The following MIB2 variants were observed in gnomAD, a reference collection of about 807,000 sequenced individuals.
The protein encoded by MIB2 is MIB E3 ubiquitin protein ligase 2.
In MIB2, 78 loss-of-function variants were observed where a neutral mutation model predicts 96.6. The ratio of observed to expected loss-of-function variants is 0.81; its 90% CI spans 0.67 to 0.97. MIB2 has a LOEUF of 0.97. Ranked by LOEUF, MIB2 falls within the 50% of genes least tolerant of loss-of-function variation. The pLI, the probability that MIB2 is intolerant of heterozygous loss-of-function variation, is 0.00. For synonymous variants in MIB2, 820 were observed against 629.5 expected, an observed-to-expected ratio of 1.30 and a Z score of -4.53; for missense variants, 1,543 against 1,424.0, an observed-to-expected ratio of 1.08 and a Z score of -1.35.
rs1644933424 is a variant in MIB2 at position 1,627,657 on chromosome 1, C to T, written c.1524-16C>T. On this transcript the variant is annotated splice_polypyrimidine_tract_variant and intron_variant, in intron 12 of 19. Transcript: ENST00000355826. ...CGGGCCCGGCGCCCTCCCTCTCCCA[C>T]TTCCTCTCCTGTCAGGAACCAGCCC... is the stretch of plus-strand genomic sequence containing the variant. 2 of 1,588,510 alleles carry T rather than the reference C, an allele frequency of 1.3e-6. No homozygotes were observed. Among genetic ancestry groups the T allele is most frequent in the Non-Finnish European group, 1.7e-6 (2 of 1,175,624 alleles).
Position 1,628,681 on chromosome 1 carries a change from G to C in MIB2, c.2161G>C (p.Gly721Arg). The change falls in exon 16 of 20, where the codon GGG becomes CGG. Residue 721 changes from glycine (G) to arginine (R), a missense_variant. Coordinates refer to ENST00000355826, the MANE Select transcript of MIB2 (RefSeq NM_001170687.4). ...TCAGCTGCTGCCCCTGGTGGCTGAT[G>C]GGGCCGGGGGGGACCCAGGGCCCTT... ...RHQLLPLVAD[G>R]AGGDPGPLQL... 6.4e-7 allele frequency: 1 copy of C among 1,572,542 alleles called. No homozygotes were observed. The highest frequency in any genetic ancestry group is 1.8e-5 in the Admixed American group (1 of 54,930).
Position 1,625,381 on chromosome 1 carries a change from C to CG in MIB2, c.820dup (p.Glu274GlyfsTer68). 1 of 1,588,344 alleles carries CG rather than the reference C, an allele frequency of 6.3e-7. No homozygotes were observed. The highest frequency in any genetic ancestry group is 8.6e-7 in the Non-Finnish European group (1 of 1,168,102). ...GTGTCTGCTGGACACTGATGTCCTG[C>CG]GGGAGATGCAGGAAGGCCACGGCGG... On this transcript the variant is annotated frameshift_variant, in exon 7 of 20. Coordinates refer to ENST00000355826, the MANE Select transcript of MIB2 (RefSeq NM_001170687.4). LOFTEE classifies it high-confidence loss of function. This position sits in a 1 kb window ranked among gnomAD's most constrained non-coding sequence, Gnocchi z 5.0.
chr1:1,628,542 C>T lies in MIB2; in HGVS notation c.2022C>T (p.Leu674=), dbSNP rs760462386. ...GGAAGCTGCAGTCCCCGCTGCATCT[C>T]GCCGTGCAACAGGCCCACGTGGGGC... The part of the protein sequence containing the change: ...RNRKLQSPLH[L]AVQQAHVGLV... Residue 674 remains leucine, a synonymous_variant, in exon 16 of 20, where the codon CTC becomes CTT. Coordinates refer to ENST00000355826, the MANE Select transcript of MIB2 (RefSeq NM_001170687.4). The T allele has an allele frequency of 6.2e-6, 10 of 1,601,384 alleles. No individual in the cohort carries two copies. Among genetic ancestry groups the T allele is most frequent in the South Asian group, 2.2e-5 (2 of 90,680 alleles).
intron 2 of MIB2, chr1:1,616,967 G>T (rs1643785354): frequency 7.9e-6 from 2 of 253,848 alleles, no homozygotes; most frequent in Non-Finnish European, 7.7e-6. Flanking sequence ...GCCGAGGGCA[G>T]CCCTGGGCGG....
Position 1,628,056 on chromosome 1 carries a change from C to T in MIB2, c.1718C>T (p.Ser573Leu), listed in dbSNP as rs371323653. Reference protein sequence around the residue: ...HSDTPLHSAISAGTGASGIVE... With the variant: ...HSDTPLHSAILAGTGASGIVE... ...GACACGCCCCTGCACTCCGCCATCTCGGCGGGCACTGGAGCCAGCGGCATT... is the reference window on the plus strand; with the variant it reads ...GACACGCCCCTGCACTCCGCCATCTTGGCGGGCACTGGAGCCAGCGGCATT... Residue 573 changes from serine to leucine, a missense_variant, in exon 14 of 20, where the codon TCG becomes TTG. Physicochemically the swap from Ser to Leu is moderately radical, Grantham distance 145 (BLOSUM62 -2). Transcript: ENST00000355826. 2.5e-5 allele frequency: 41 copies of T among 1,613,174 alleles called. No individual in the cohort carries two copies. The highest frequency in any genetic ancestry group is 8.9e-5 in the East Asian group (4 of 44,878).
chr1:1,619,513 G>A (rs1221896584), intron 2 of MIB2, among the ~76,000 whole-genome samples: 2 of 152,236 alleles, frequency 1.3e-5, no homozygotes, highest in African/African-American at 2.4e-5. Flanking sequence ...TGGAGACCCC[G>A]CTCAGATGAG....
intron 16 of MIB2, 174 bp from the exon 17 acceptor site, chr1:1,628,959 A>G: frequency 4.0e-6 from 3 of 744,910 alleles, no homozygotes; most frequent in Non-Finnish European, 2.1e-6. Context: ...AGGGTCTCAG[A>G]GCTCACCTAG....
In MIB2 at chr1:1,625,723, TGGG is replaced by T; in HGVS notation, c.972+74_972+76del. The T allele has an allele frequency of 2.3e-6, 3 of 1,322,556 alleles. No individual in the cohort carries two copies. Among genetic ancestry groups the T allele is most frequent in the South Asian group, 1.3e-5 (1 of 77,794 alleles). 81.9% of individuals were successfully genotyped at this position (1,322,556 alleles called of 1,614,324 possible). A position where few individuals can be genotyped will look rare whatever the true frequency, so the allele number is the denominator to read the frequency against. ...CCCCTTCCACGTACCCCCTTGGCCT[TGGG>T]GGGTCAGGCAGGACTAGGGTGCCAG... On this transcript the variant is annotated intron_variant, in intron 8 of 19. Coordinates refer to ENST00000355826, the MANE Select transcript of MIB2 (RefSeq NM_001170687.4). The surrounding 1 kb of genome is among the most constrained non-coding windows in gnomAD (Gnocchi z 5.0).
In MIB2 at chr1:1,623,533, C is replaced by T. The variant is rs753515862; in HGVS notation, c.81C>T (p.Asp27=). The T allele has an allele frequency of 4.0e-5, 61 of 1,544,052 alleles. No homozygotes were observed. Among genetic ancestry groups the T allele is most frequent in the Middle Eastern group, 1.8e-4 (1 of 5,494 alleles). The change falls in exon 3 of 20, where the codon GAC becomes GAT. Residue 27 remains aspartate (D), a synonymous_variant. Coordinates refer to ENST00000355826, the MANE Select transcript of MIB2 (RefSeq NM_001170687.4). ...RGVDWKWGQQ[D]GGEGGVGTVV... ...TGGACTGGAAGTGGGGCCAGCAGGA[C>T]GGCGGCGAGGGCGGCGTGGGCACGG...
rs557101987 is a variant in MIB2 at position 1,627,688 on chromosome 1, C to T, written c.1539C>T (p.Ala513=). The T allele has an allele frequency of 6.3e-7, 1 of 1,594,490 alleles. No homozygotes were observed. Among genetic ancestry groups the T allele is most frequent in the East Asian group, 2.2e-5 (1 of 44,710 alleles). Residue 513 remains alanine (A), a synonymous_variant, in exon 13 of 20, where the codon GCC becomes GCT. Transcript: ENST00000355826. Reference sequence around the variant, plus strand: ...CTCCTGTCAGGAACCAGCCCGAGGCCACCAGGGTGCTCCTGAGTGCTGGGT... The same window carrying T: ...CTCCTGTCAGGAACCAGCCCGAGGCTACCAGGGTGCTCCTGAGTGCTGGGT... ...HYAALGNQPE[A]TRVLLSAGCR... is the part of the protein sequence containing the mutation.
rs552687224 is a variant in MIB2, at chr1:1,625,079, T to G, written c.615T>G (p.Asp205Glu). ...GTGTGGCCAGCGTGACGTGGGCTGA[T>G]GGTACCACCAATGTGTACCGTGTGG... ...GRSVASVTWA[D>E]GTTNVYRVGH... The change falls in exon 6 of 20, where the codon GAT becomes GAG. Residue 205 changes from aspartate (D) to glutamate (E), a missense_variant. Transcript: ENST00000355826. This position sits in a 1 kb window ranked among gnomAD's most constrained non-coding sequence, Gnocchi z 5.0. 1 of 1,613,350 alleles carries G rather than the reference T, an allele frequency of 6.2e-7. No homozygotes were observed. Among genetic ancestry groups the G allele is most frequent in the Admixed American group, 1.7e-5 (1 of 60,024 alleles).
intron 1 of MIB2, 30 bp downstream of exon 1, chr1:1,615,663 G>A (rs1048225457): frequency 2.6e-6 from 4 of 1,557,440 alleles, no homozygotes; most frequent in Non-Finnish European, 3.5e-6. Flanking sequence ...TCCTCCCCTG[G>A]TCCTCCGCAC....
rs111594888 is a variant in MIB2, at chr1:1,625,961, A to G, written c.972+308A>G. On this transcript the variant is annotated intron_variant, in intron 8 of 19. Coordinates refer to ENST00000355826, the MANE Select transcript of MIB2 (RefSeq NM_001170687.4). The surrounding 1 kb of genome is among the most constrained non-coding windows in gnomAD (Gnocchi z 5.0). ...GGGCGGGAGGGAGGCGGCTGGGCTA[A>G]GATGCTCCTGGTTAGTGCTGTATGG... The G allele has an allele frequency of 0.024, 10,855 of 454,686 alleles. 213 individuals carry two copies. The highest frequency in any genetic ancestry group is 0.03 in the Non-Finnish European group (7,506 of 248,916). 28.2% of individuals were successfully genotyped at this position (454,686 alleles called of 1,614,324 possible).
rs1233547670 is a variant in MIB2, at chr1:1,623,823, G to A, written c.297G>A (p.Leu99=). Residue 99 remains leucine, a synonymous_variant, in exon 4 of 20, where the codon CTG becomes CTA. Transcript: ENST00000355826. ...GTGACTGCTGCAAGAAGCACGGGCT[G>A]CGGGGGATGCGCTGGAAGTGCCGTG... is the stretch of plus-strand genomic sequence containing the variant. The part of the protein sequence containing the change: ...IICDCCKKHG[L]RGMRWKCRVC... 3 of 1,610,040 alleles carry A rather than the reference G, an allele frequency of 1.9e-6. No individual in the cohort carries two copies. Among genetic ancestry groups the A allele is most frequent in the Admixed American group, 3.3e-5 (2 of 59,740 alleles).
chr1:1,628,048 C>T lies in MIB2; in HGVS notation c.1710C>T (p.Ser570=), dbSNP rs373427476. 116 of 1,613,166 alleles carry T rather than the reference C, an allele frequency of 7.2e-5. 2 individuals carry two copies. The highest frequency in any genetic ancestry group is 6.3e-4 in the South Asian group (57 of 91,084). ...PDAHSDTPLH[S]AISAGTGASG... ...CCCACTCGGACACGCCCCTGCACTC[C>T]GCCATCTCGGCGGGCACTGGAGCCA... The change falls in exon 14 of 20, where the codon TCC becomes TCT. Residue 570 remains serine, a synonymous_variant. Coordinates refer to ENST00000355826, the MANE Select transcript of MIB2 (RefSeq NM_001170687.4).
At chr1:1,627,245 TGA>T (rs749658726) in intron 11 of MIB2, 38 bp downstream of exon 11, 1 of 1,612,502 alleles carries the variant, frequency 6.2e-7, no homozygotes, top group South Asian at 1.1e-5. Context: ...CTGGCCAGTC[TGA>T]GAGTGAGGGG....
rs368847903 is a variant in MIB2 at position 1,630,467 on chromosome 1, C to T, written c.2805C>T (p.Ser935=). The T allele has an allele frequency of 1.2e-5, 19 of 1,593,842 alleles. No individual in the cohort carries two copies. The highest frequency in any genetic ancestry group is 5.6e-5 in the South Asian group (5 of 89,268). The change falls in exon 20 of 20, where the codon TCC becomes TCT. Residue 935 remains serine, a synonymous_variant. Coordinates refer to ENST00000355826, the MANE Select transcript of MIB2 (RefSeq NM_001170687.4). ...CGHGACAPCG[S]ALSACPICRQ... ...ACGGCGCATGCGCCCCCTGCGGCTC[C>T]GCGCTCAGCGCCTGCCCCATCTGCC...
At chr1:1,620,490 C>A (rs568505112) in intron 2 of MIB2, among the ~76,000 whole-genome samples, 1 of 152,100 alleles carries the variant, frequency 6.6e-6, no homozygotes, top group African/African-American at 2.4e-5. Flanking sequence ...CAGCTGTGGC[C>A]GATTCTGGTG....
In MIB2 at chr1:1,627,416, A is replaced by AACACGGCACTGCACT; in HGVS notation, c.1498_1512dup (p.Thr500_Tyr504dup). ...CGTGGACCTGCCGGACGACGAGGGC[A>AACACGGCACTGCACT]ACACGGCACTGCACTACGCGGCCCT... On this transcript the variant is annotated inframe_insertion, in exon 12 of 20. Coordinates refer to ENST00000355826, the MANE Select transcript of MIB2 (RefSeq NM_001170687.4). 1 of 1,612,728 alleles carries AACACGGCACTGCACT rather than the reference A, an allele frequency of 6.2e-7. No homozygotes were observed. The highest frequency in any genetic ancestry group is 2.2e-5 in the East Asian group (1 of 44,856).
Sources: allele counts gnomAD v4.1 joint callset (sites outside exome capture counted in the v4.1 genomes callset), GRCh38; gene constraint gnomAD v4.1.1; non-coding constraint Gnocchi (gnomAD v3.1); transcripts MANE v1.5; gene names NCBI Gene and HGNC (gene_info 2026-07-23, HGNC 2026-07-21).